Variants in ADAM7 observed in about 807,000 individuals in gnomAD.
ADAM7 encodes the protein ADAM metallopeptidase domain 7.
In ADAM7, 97 loss-of-function variants were observed where a neutral mutation model predicts 102.9. The observed-to-expected ratio is 0.94, with a 90% CI of 0.80 to 1.12. ADAM7 has a LOEUF of 1.12. ADAM7 is among the 50% of genes most tolerant of loss of function. The pLI is 0.00. For synonymous variants in ADAM7, 334 were observed against 304.4 expected, an observed-to-expected ratio of 1.10 and a Z score of -1.01; for missense variants, 991 against 908.7, an observed-to-expected ratio of 1.09 and a Z score of -1.16.
chr8:24,449,519 G>C (rs913085120), intron 3 of ADAM7, among the ~76,000 whole-genome samples: 6 of 152,074 alleles, frequency 3.9e-5, no homozygotes, highest in African/African-American at 1.4e-4. Context: ...TTGTAAATTT[G>C]TTTGAGTTCA....
intron 7 of ADAM7, among the ~76,000 whole-genome samples, chr8:24,472,245 T>C (rs1473237462): frequency 6.6e-6 from 1 of 151,492 alleles, no homozygotes; most frequent in Non-Finnish European, 1.5e-5. Flanking sequence ...ACCACATAAA[T>C]GCAAGTTTCA....
intron 3 of ADAM7, among the ~76,000 whole-genome samples, chr8:24,450,582 C>A (rs1397353932): frequency 6.6e-6 from 1 of 152,124 alleles, no homozygotes; most frequent in South Asian, 2.1e-4. Context: ...GATATACAAT[C>A]GTGTAGTCTG....
At position 24,476,446 on chromosome 8, in the gene ADAM7, G is replaced by A. The variant is rs1424478689; in HGVS notation, c.647G>A (p.Gly216Asp). 1.9e-6 allele frequency: 3 copies of A among 1,604,708 alleles called. No individual in the cohort carries two copies. The highest frequency in any genetic ancestry group is 2.6e-6 in the Non-Finnish European group (3 of 1,173,694). Residue 216 changes from glycine (G) to aspartate (D), a missense_variant, in exon 8 of 22, where the codon GGT (glycine) becomes GAT (aspartate). Gly to Asp is a moderately conservative substitution (Grantham distance 94). Transcript: ENST00000175238. ...TTATATTTCCAGTATCGCAGAAATG[G>A]TCATCCTCACAATAAACTAAGGAAC... ...VADDTVYRRN[G>D]HPHNKLRNRI...
In ADAM7 at chr8:24,476,615, G is replaced by A. The variant is rs184696574; in HGVS notation, c.705+111G>A. 1.4e-5 allele frequency: 10 copies of A among 691,820 alleles called. No individual in the cohort carries two copies. In the Admixed American group the frequency reaches 2.8e-4, roughly 19 times the overall value. The allele number at this position is 691,820 out of a possible 1,614,324, so 42.9% of individuals were successfully genotyped here. A position where few individuals can be genotyped will look rare whatever the true frequency, so the allele number is the denominator to read the frequency against. ...TTACCTGATATTAAGGGAGTACAAA[G>A]CACAAAGACTAATAAGCAAAAATCC... On this transcript the variant is annotated intron_variant, in intron 8 of 21. Transcript: ENST00000175238.
intron 14 of ADAM7, 72 bp from the exon 15 acceptor site, chr8:24,492,422 GA>G: frequency 3.6e-6 from 4 of 1,108,430 alleles, no homozygotes; most frequent in African/African-American, 1.6e-5. Context: ...AATTACATTA[GA>G]AAAATAAGGT....
intron 13 of ADAM7, 105 bp downstream of exon 13, chr8:24,490,993 T>G: frequency 8.9e-7 from 1 of 1,126,556 alleles, no homozygotes; most frequent in South Asian, 1.5e-5. Flanking sequence ...GACTCCAAAA[T>G]GAAGCTAGGC....
At chr8:24,490,602 A>G (rs904812827) in intron 12 of ADAM7, 197 bp from the exon 13 acceptor site, 17 of 556,426 alleles carry the variant, frequency 3.1e-5, no homozygotes, top group Non-Finnish European at 4.8e-5. Flanking sequence ...AATGTACCAA[A>G]CAGCACGAGA....
At chr8:24,477,984 T>C (rs887535426) in intron 8 of ADAM7, among the ~76,000 whole-genome samples, 6 of 152,032 alleles carry the variant, frequency 3.9e-5, no homozygotes, top group Admixed American at 1.3e-4. Flanking sequence ...CTGCTGAAAT[T>C]CCCTCATCTT....
intron 16 of ADAM7, among the ~76,000 whole-genome samples, chr8:24,497,184 TC>T (rs1820589246): frequency 6.6e-6 from 1 of 152,148 alleles, no homozygotes; most frequent in Non-Finnish European, 1.5e-5. Flanking sequence ...TGTGACTTGC[TC>T]CTCCTTGCTT....
chr8:24,464,735 T>C (rs1298835133), intron 4 of ADAM7, among the ~76,000 whole-genome samples: 1 of 151,482 alleles, frequency 6.6e-6, no homozygotes, highest in Non-Finnish European at 1.5e-5. Flanking sequence ...CAAGTAGCTG[T>C]GACTACAGGC....
chr8:24,442,136 T>C (rs1818395143), intron 1 of ADAM7, among the ~76,000 whole-genome samples: 1 of 152,156 alleles, frequency 6.6e-6, no homozygotes, highest in African/African-American at 2.4e-5. Context: ...ATCACGCCAC[T>C]ACACTCCAGC....
chr8:24,452,568 G>A (rs2129375999), intron 3 of ADAM7, among the ~76,000 whole-genome samples: 1 of 151,608 alleles, frequency 6.6e-6, no homozygotes, highest in African/African-American at 2.4e-5. Flanking sequence ...TGGGTTTCCT[G>A]AATACAGCAC....
intron 21 of ADAM7, 126 bp downstream of exon 21, chr8:24,507,661 G>A: frequency 4.1e-6 from 3 of 724,296 alleles, no homozygotes; most frequent in Non-Finnish European, 6.6e-6. Context: ...AGATTAGGAA[G>A]GTTAGAATTT....
intron 20 of ADAM7, chr8:24,506,184 G>A (rs1021673963): frequency 6.7e-7 from 1 of 1,488,180 alleles, no homozygotes; most frequent in Non-Finnish European, 9.1e-7. Context: ...TCCTCTTGGT[G>A]GTGGGCTATG....
At position 24,447,191 on chromosome 8, in the gene ADAM7, G is replaced by T. The variant is rs375404131; in HGVS notation, c.162G>T (p.Thr54=). The T allele has an allele frequency of 1.4e-4, 215 of 1,536,824 alleles. 2 individuals are homozygous for T. The South Asian group carries it at 1.9e-3, about 14-fold the overall frequency. ...TGATGCCTCTTCTTTTTTAGAAAAC[G>T]TATGAAGAAGAATTGTTGTATGAAA... ...GHTHDDDILK[T]YEEELLYEIK... is the part of the protein sequence containing the mutation. Residue 54 remains threonine, a synonymous_variant, in exon 3 of 22, where the codon ACG becomes ACT. Transcript: ENST00000175238.
intron 20 of ADAM7, 105 bp downstream of exon 20, chr8:24,501,681 G>A (rs1820765840): frequency 2.7e-6 from 2 of 737,320 alleles, no homozygotes; most frequent in Non-Finnish European, 4.3e-6. Context: ...CATGGGAAGT[G>A]CAGAGGAGCA....
intron 7 of ADAM7, among the ~76,000 whole-genome samples, chr8:24,469,828 G>A (rs1819547146): frequency 6.6e-6 from 1 of 151,978 alleles, no homozygotes; most frequent in Non-Finnish European, 1.5e-5. Flanking sequence ...ATATACCCTT[G>A]AAAAAATTAA....
intron 9 of ADAM7, 127 bp from the exon 10 acceptor site, chr8:24,485,150 C>T (rs1820094415): frequency 2.4e-6 from 2 of 823,918 alleles, no homozygotes; most frequent in Non-Finnish European, 4.0e-6. Context: ...AATTCCAAAA[C>T]TCCAGAAATA....
At chr8:24,496,948 G>A (rs1474308957) in intron 16 of ADAM7, among the ~76,000 whole-genome samples, 1 of 152,140 alleles carries the variant, frequency 6.6e-6, no homozygotes, top group Non-Finnish European at 1.5e-5. Flanking sequence ...AGATTTGGGA[G>A]GGGCCAGGGA....
Sources: allele counts gnomAD v4.1 joint callset (sites outside exome capture counted in the v4.1 genomes callset), GRCh38; gene constraint gnomAD v4.1.1; transcripts MANE v1.5; gene names NCBI Gene and HGNC (gene_info 2026-07-23, HGNC 2026-07-21).